PIEZO2: variants seen among roughly 807,000 people sequenced by gnomAD.
PIEZO2 encodes piezo-type mechanosensitive ion channel component 2.
PIEZO2 carries 172 observed loss-of-function variants against 337.3 expected under a neutral mutation model. The observed-to-expected ratio is 0.51, with a 90% CI of 0.45 to 0.58. The LOEUF is 0.58. Ranked by LOEUF, PIEZO2 falls within the 20% of genes least tolerant of loss-of-function variation. PIEZO2 has a pLI of 0.00. For missense variants in PIEZO2, 3,028 were observed against 3,391.3 expected (o/e 0.89, Z 2.66); for synonymous variants, 1,251 against 1,228.5 (o/e 1.02, Z -0.38).
At chr18:10,978,031 G>A (rs1403912372) in intron 3 of PIEZO2, among the ~76,000 whole-genome samples, 3 of 152,070 alleles carry the variant, frequency 2.0e-5, no homozygotes, top group Non-Finnish European at 2.9e-5. Flanking sequence ...ACTAAAAACT[G>A]CTGAACTGTG....
chr18:10,807,344 A>T, intron 7 of PIEZO2, 70 bp from the exon 8 acceptor site: 1 of 1,411,764 alleles, frequency 7.1e-7, no homozygotes, highest in Non-Finnish European at 9.5e-7. Flanking sequence ...GAATAAAAGT[A>T]CTTTGTTTTT....
At position 10,781,775 on chromosome 18, in the gene PIEZO2, G is replaced by A. The variant is rs1355702024; in HGVS notation, c.2493-1409C>T. ...TGCATAAGCACATATACACCAACAA[G>A]TGACACAACAGGAAAATAAGAGTTG... On this transcript the variant is annotated intron_variant, in intron 17 of 55. Transcript: ENST00000674853. The surrounding 1 kb of genome is among the most constrained non-coding windows in gnomAD (Gnocchi z 4.1). Among the ~76,000 whole-genome samples, 2 of 151,986 alleles carry A rather than the reference G, an allele frequency of 1.3e-5. No homozygotes were observed. Among genetic ancestry groups the A allele is most frequent in the African/African-American group, 2.4e-5 (1 of 41,370 alleles).
chr18:10,787,040 C>CT lies in PIEZO2; in HGVS notation c.2313dup (p.Glu772ArgfsTer4). 1 of 1,529,358 alleles carries CT rather than the reference C, an allele frequency of 6.5e-7. No homozygotes were observed. 94.7% of individuals were successfully genotyped at this position (1,529,358 alleles called of 1,614,324 possible). On this transcript the variant is annotated frameshift_variant, in exon 16 of 56. Transcript: ENST00000674853. LOFTEE classifies it high-confidence loss of function. Reference sequence around the variant, plus strand: ...TTTCAACTCAAAATCACTTACTTTTCTTTTTTCAGTCCAGTCATATTTTGC... The same window carrying CT: ...TTTCAACTCAAAATCACTTACTTTTCTTTTTTTCAGTCCAGTCATATTTTGC...
At chr18:10,704,674 T>C in intron 41 of PIEZO2, 22 bp from the exon 42 acceptor site, 1 of 1,527,036 alleles carries the variant, frequency 6.5e-7, no homozygotes, top group Non-Finnish European at 8.8e-7. Context: ...AACCACATGA[T>C]AATATGTCTA....
intron 49 of PIEZO2, among the ~76,000 whole-genome samples, chr18:10,688,443 C>A (rs2034652279): frequency 6.6e-6 from 1 of 152,164 alleles, no homozygotes; most frequent in Non-Finnish European, 1.5e-5. Context: ...CAGCAACAGA[C>A]AACTGATATA....
Position 11,021,072 on chromosome 18 carries a change from T to C in PIEZO2, c.161-41412A>G, listed in dbSNP as rs952357399. On this transcript the variant is annotated intron_variant, in intron 2 of 55. Transcript: ENST00000674853. The surrounding 1 kb of genome is among the most constrained non-coding windows in gnomAD (Gnocchi z 4.7). ...TGGAGTCACTGTAGGAAGTGACTTG[T>C]CTGGAGCTAGGAAGACGGATGCAAA... 3.3e-5 allele frequency among the ~76,000 whole-genome samples: 5 copies of C among 152,192 alleles called. No individual in the cohort carries two copies. Among genetic ancestry groups the C allele is most frequent in the Middle Eastern group, 6.3e-3 (2 of 316 alleles).
chr18:11,072,667 A>C (rs552139260), intron 1 of PIEZO2, among the ~76,000 whole-genome samples: 1 of 152,240 alleles, frequency 6.6e-6, no homozygotes, highest in African/African-American at 2.4e-5. Context: ...TTCTTTTTAC[A>C]TGTGAAGAAG....
intron 2 of PIEZO2, among the ~76,000 whole-genome samples, chr18:11,018,673 T>G (rs2036209559): frequency 6.6e-6 from 1 of 152,106 alleles, no homozygotes; most frequent in Non-Finnish European, 1.5e-5. Flanking sequence ...TCTTGTCCAT[T>G]TAATCTGACA....
rs1374861866 is a variant in PIEZO2, at chr18:11,003,974, C to T, written c.161-24314G>A. On this transcript the variant is annotated intron_variant, in intron 2 of 55. Coordinates refer to ENST00000674853, the MANE Select transcript of PIEZO2 (RefSeq NM_001378183.1). The surrounding 1 kb of genome is among the most constrained non-coding windows in gnomAD (Gnocchi z 4.6). ...ACTTTGTTTTCTAACCCATGTTATG[C>T]CTTCCACAACTCTGACCCTAAACAA... Among the ~76,000 whole-genome samples, 1 of 152,202 alleles carries T rather than the reference C, an allele frequency of 6.6e-6. No individual in the cohort carries two copies. The highest frequency in any genetic ancestry group is 1.5e-5 in the Non-Finnish European group (1 of 68,038).
intron 4 of PIEZO2, among the ~76,000 whole-genome samples, chr18:10,874,259 C>A (rs2042212180): frequency 6.6e-6 from 1 of 151,972 alleles, no homozygotes; most frequent in Non-Finnish European, 1.5e-5. Flanking sequence ...ATCAAAACCA[C>A]AACGAGTTAT....
chr18:10,922,037 G>A (rs923587841), intron 3 of PIEZO2, among the ~76,000 whole-genome samples: 2 of 152,102 alleles, frequency 1.3e-5, no homozygotes, highest in African/African-American at 4.8e-5. Flanking sequence ...TTTTAATTTT[G>A]CCCCGGTCCT....
In PIEZO2 at chr18:10,682,276, C is replaced by G; in HGVS notation, c.7514G>C (p.Arg2505Pro). The stretch of plus-strand genomic sequence containing the variant: ...CACCACTTTCTTCTTCTTCTGGCCC[C>G]GTGGCTGAGGGTATCTCTGCAACAG... The part of the protein sequence containing the change: ...RESEKRYPQP[R>P]GQKKKKVVKY... Residue 2505 changes from arginine to proline, a missense_variant, in exon 50 of 56, where the codon CGG (arginine) becomes CCG (proline). Around this residue, in one of 5 missense-constraint regions of PIEZO2, gnomAD observed 179 missense variants for 281.8 expected, o/e 0.64. Coordinates refer to ENST00000674853, the MANE Select transcript of PIEZO2 (RefSeq NM_001378183.1). The surrounding 1 kb of genome is among the most constrained non-coding windows in gnomAD (Gnocchi z 5.6). 1 of 1,536,222 alleles carries G rather than the reference C, an allele frequency of 6.5e-7. No homozygotes were observed. Among genetic ancestry groups the G allele is most frequent in the Non-Finnish European group, 8.7e-7 (1 of 1,146,306 alleles).
chr18:10,710,136 T>G (rs1598385931), intron 39 of PIEZO2, among the ~76,000 whole-genome samples: 1 of 152,378 alleles, frequency 6.6e-6, no homozygotes, highest in African/African-American at 2.4e-5. Flanking sequence ...TGCAGTCTCC[T>G]GCAGCTTTGC....
Position 10,783,601 on chromosome 18 carries a change from GC to G in PIEZO2, c.2492+1182del, listed in dbSNP as rs2039108299. Among the ~76,000 whole-genome samples, 1 of 152,114 alleles carries G rather than the reference GC, an allele frequency of 6.6e-6. No homozygotes were observed. The highest frequency in any genetic ancestry group is 6.5e-5 in the Admixed American group (1 of 15,276). ...ATGGTAAACCACTGACCCCATCCAT[GC>G]CCTCCTCCCTGCTGGGGCCTTGGGA... On this transcript the variant is annotated intron_variant, in intron 17 of 55. Coordinates refer to ENST00000674853, the MANE Select transcript of PIEZO2 (RefSeq NM_001378183.1). This position sits in a 1 kb window ranked among gnomAD's most constrained non-coding sequence, Gnocchi z 4.3.
chr18:10,926,137 A>G (rs264268), intron 3 of PIEZO2, among the ~76,000 whole-genome samples: 4 of 152,048 alleles, frequency 2.6e-5, no homozygotes, highest in African/African-American at 7.2e-5. Flanking sequence ...CTACACGAGT[A>G]GACTTGAGTC....
rs1464731181 is a variant in PIEZO2 at position 11,104,715 on chromosome 18, G to A, written c.65-38493C>T. Among the ~76,000 whole-genome samples, 1 of 152,220 alleles carries A rather than the reference G, an allele frequency of 6.6e-6. No homozygotes were observed. The highest frequency in any genetic ancestry group is 2.4e-5 in the African/African-American group (1 of 41,460). ...GAGCCAAGATGCCATGAACATGCAG[G>A]GCAGGCAAGAAATTAACCTTTGTTG... is the stretch of plus-strand genomic sequence containing the variant. On this transcript the variant is annotated intron_variant, in intron 1 of 55. Coordinates refer to ENST00000674853, the MANE Select transcript of PIEZO2 (RefSeq NM_001378183.1). The surrounding 1 kb of genome is among the most constrained non-coding windows in gnomAD (Gnocchi z 4.6).
chr18:10,736,467 G>T, intron 34 of PIEZO2, 137 bp downstream of exon 34: 1 of 1,229,554 alleles, frequency 8.1e-7, no homozygotes, highest in Non-Finnish European at 1.1e-6. Flanking sequence ...TAGAAATAAA[G>T]AATTGCAGAT....
At chr18:10,823,381 CT>C (rs1185018088) in intron 7 of PIEZO2, among the ~76,000 whole-genome samples, 2 of 152,146 alleles carry the variant, frequency 1.3e-5, no homozygotes, top group Non-Finnish European at 2.9e-5. Flanking sequence ...ACTATGATGA[CT>C]TAAATTGTCC....
intron 18 of PIEZO2, among the ~76,000 whole-genome samples, chr18:10,777,565 C>T (rs551698751): frequency 1.5e-4 from 23 of 152,272 alleles, no homozygotes; most frequent in East Asian, 3.9e-4. Flanking sequence ...TTGACAGGGA[C>T]GCTCAAAGAG....
Sources: allele counts gnomAD v4.1 joint callset (sites outside exome capture counted in the v4.1 genomes callset), GRCh38; gene constraint gnomAD v4.1.1; regional missense constraint gnomAD v4.1.1; non-coding constraint Gnocchi (gnomAD v3.1); transcripts MANE v1.5; gene names NCBI Gene and HGNC (gene_info 2026-07-23, HGNC 2026-07-21).